ZNF341: variants seen among roughly 807,000 people sequenced by gnomAD.
ZNF341 encodes zinc finger protein 341.
In ZNF341, 52 loss-of-function variants were observed where a neutral mutation model predicts 87.7. The ratio of observed to expected loss-of-function variants is 0.59; its 90% CI spans 0.47 to 0.75. The LOEUF (loss-of-function observed/expected upper bound fraction) is 0.75, where lower values mean the gene tolerates loss of function less well. Among genes scored for constraint, ZNF341 ranks in the 30% least tolerant of loss-of-function variants. The pLI is 0.00. For synonymous variants in ZNF341, 459 were observed against 472.7 expected (o/e 0.97, Z 0.38); for missense variants, 977 against 1,145.9 (o/e 0.85, Z 2.13).
At chr20:33,768,686 A>G (rs996801106) in intron 9 of ZNF341, among the ~76,000 whole-genome samples, 11 of 151,974 alleles carry the variant, frequency 7.2e-5, no homozygotes, top group Non-Finnish European at 1.6e-4. Flanking sequence ...GCCTCCCAGC[A>G]TGTTAGGATT....
intron 8 of ZNF341, 50 bp downstream of exon 8, chr20:33,762,105 T>C (rs777172186): frequency 6.8e-7 from 1 of 1,477,194 alleles, no homozygotes; most frequent in South Asian, 1.4e-5. Context: ...CTTCTGCCGC[T>C]TCACAGGTTT....
rs1468018846 is a variant in ZNF341 at position 33,766,872 on chromosome 20, G to A, written c.1244G>A (p.Gly415Asp). The part of the protein sequence containing the change: ...ESTGLGQPLP[G>D]APQPQALSTA... ...ACAGGGTTGGGCCAGCCCCTGCCGG[G>A]TGCGCCACAGCCCCAGGCCTTGTCC... Residue 415 changes from glycine (G) to aspartate (D), a missense_variant, in exon 9 of 15, where the codon GGT (glycine) becomes GAT (aspartate). Coordinates refer to ENST00000375200, the MANE Select transcript of ZNF341 (RefSeq NM_001282933.2). 1.2e-6 allele frequency: 2 copies of A among 1,612,328 alleles called. No individual in the cohort carries two copies. The highest frequency in any genetic ancestry group is 1.7e-6 in the Non-Finnish European group (2 of 1,179,098).
chr20:33,752,780 T>C (rs1433525961), intron 4 of ZNF341, among the ~76,000 whole-genome samples: 5 of 151,236 alleles, frequency 3.3e-5, no homozygotes, highest in Admixed American at 6.6e-5. Flanking sequence ...AGCCTCCCGA[T>C]AGCTGGGACT....
intron 14 of ZNF341, among the ~76,000 whole-genome samples, chr20:33,790,085 T>C (rs1304939557): frequency 1.3e-5 from 2 of 151,764 alleles, no homozygotes; most frequent in African/African-American, 4.8e-5. Context: ...TTTTTTTTTT[T>C]TTTTTGAGAC....
chr20:33,758,413 G>A (rs544307064), intron 6 of ZNF341, among the ~76,000 whole-genome samples: 5 of 152,312 alleles, frequency 3.3e-5, no homozygotes, highest in African/African-American at 1.2e-4. Context: ...TGGAGAGAAT[G>A]ATGAGGTTGT....
chr20:33,750,410 C>A (rs1190535874), intron 4 of ZNF341, among the ~76,000 whole-genome samples: 1 of 152,008 alleles, frequency 6.6e-6, no homozygotes, highest in East Asian at 1.9e-4. Context: ...TTTGGGAACC[C>A]AACGAACACA....
chr20:33,781,257 T>G, intron 10 of ZNF341, 34 bp from the exon 11 acceptor site: 1 of 1,564,504 alleles, frequency 6.4e-7, no homozygotes, highest in South Asian at 1.1e-5. Context: ...CCTGCTGTGT[T>G]TCCTCCCTCA....
intron 10 of ZNF341, among the ~76,000 whole-genome samples, chr20:33,780,318 G>A (rs539338986): frequency 6.2e-4 from 95 of 152,298 alleles, no homozygotes; most frequent in African/African-American, 1.8e-3. Flanking sequence ...GATGAGGTCT[G>A]AGAGGTGGGA....
rs922291237 is a variant in ZNF341, at chr20:33,748,815, G to A, written c.340-108G>A. The A allele has an allele frequency of 1.4e-5, 16 of 1,134,434 alleles. No homozygotes were observed. In the Admixed American group the frequency reaches 3.1e-4, roughly 22 times the overall value. The allele number at this position is 1,134,434 out of a possible 1,614,324, so 70.3% of individuals were successfully genotyped here. A position where few individuals can be genotyped will look rare whatever the true frequency, so the allele number is the denominator to read the frequency against. On this transcript the variant is annotated intron_variant, in intron 3 of 14. Coordinates refer to ENST00000375200, the MANE Select transcript of ZNF341 (RefSeq NM_001282933.2). ...CCTGGATCTTTTGTGCCATGCCCTC[G>A]GCTTACTTACAGAGCCTGACATGTC...
chr20:33,758,841 C>T (rs2019235040), intron 7 of ZNF341, 35 bp downstream of exon 7: 1 of 1,587,528 alleles, frequency 6.3e-7, no homozygotes, highest in Admixed American at 1.7e-5. Flanking sequence ...GGCTCCTGGG[C>T]AGGTGTGGCT....
intron 3 of ZNF341, 152 bp from the exon 4 acceptor site, chr20:33,748,771 C>G (rs2245015): frequency 0.31 from 214,607 of 690,216 alleles, 40,972 homozygotes; most frequent in East Asian, 0.73. Flanking sequence ...ATGGAATCCA[C>G]GTCTGTGGGA....
intron 10 of ZNF341, among the ~76,000 whole-genome samples, chr20:33,770,706 T>C (rs2019513019): frequency 6.6e-6 from 1 of 152,048 alleles, no homozygotes; most frequent in African/African-American, 2.4e-5. Flanking sequence ...ATGGGCAGGG[T>C]GTGGCGGCCC....
chr20:33,764,562 T>TATATATATATATATATATATATATA (rs1491532951), intron 8 of ZNF341, among the ~76,000 whole-genome samples: 52 of 40,300 alleles, frequency 1.3e-3, no homozygotes, highest in African/African-American at 2.3e-3. Flanking sequence ...TATATATATA[T>TATATATATATATATATATATATATA]TTTTTTTTTT....
intron 4 of ZNF341, among the ~76,000 whole-genome samples, chr20:33,750,121 T>TA (rs999608268): frequency 7.9e-5 from 12 of 151,522 alleles, no homozygotes; most frequent in South Asian, 2.1e-4. Flanking sequence ...CCCTGGGATT[T>TA]AAAAAAAAAA....
intron 8 of ZNF341, among the ~76,000 whole-genome samples, chr20:33,765,321 T>TTGGAAC (rs1330164161): frequency 6.6e-6 from 1 of 152,110 alleles, no homozygotes; most frequent in Non-Finnish European, 1.5e-5. Context: ...AGGCTTCCTG[T>TTGGAAC]TGGAACTAGC....
intron 5 of ZNF341, among the ~76,000 whole-genome samples, chr20:33,756,428 G>A (rs1366771749): frequency 8.7e-5 from 13 of 150,288 alleles, no homozygotes; most frequent in African/African-American, 2.4e-4. Context: ...GTGCAGTGGC[G>A]CGATCTCGGC....
chr20:33,767,403 G>A (rs1309416804), intron 9 of ZNF341, among the ~76,000 whole-genome samples: 4 of 144,020 alleles, frequency 2.8e-5, no homozygotes, highest in Non-Finnish European at 4.5e-5. Context: ...TTTTTGAGAC[G>A]GTTTTACTCT....
chr20:33,791,103 C>G lies in ZNF341; in HGVS notation c.2151C>G (p.Ala717=). 1.9e-6 allele frequency: 3 copies of G among 1,613,022 alleles called. No homozygotes were observed. The highest frequency in any genetic ancestry group is 2.5e-6 in the Non-Finnish European group (3 of 1,180,022). The change falls in exon 15 of 15, where the codon GCC becomes GCG. Residue 717 remains alanine (A), a synonymous_variant. Coordinates refer to ENST00000375200, the MANE Select transcript of ZNF341 (RefSeq NM_001282933.2). Reference sequence around the variant, plus strand: ...ACAAGTTCCGCTGTGCTGGCTGCGCCAAGGGCTTTTCCCGCCACAAATACC... The same window carrying G: ...ACAAGTTCCGCTGTGCTGGCTGCGCGAAGGGCTTTTCCCGCCACAAATACC... ...GNYKFRCAGC[A]KGFSRHKYLK...
At chr20:33,743,587 C>T (rs2018855971) in intron 2 of ZNF341, among the ~76,000 whole-genome samples, 1 of 152,156 alleles carries the variant, frequency 6.6e-6, no homozygotes, top group African/African-American at 2.4e-5. Flanking sequence ...GATCCACCCA[C>T]CTTGGCCTCC....
Sources: gnomAD v4.1 joint callset for allele counts (sites outside exome capture counted in the v4.1 genomes callset) on GRCh38, gnomAD v4.1.1 for gene constraint, MANE v1.5 for transcripts, NCBI Gene and HGNC (gene_info 2026-07-23, HGNC 2026-07-21) for gene names.